Variants in TRAF6 observed in about 807,000 individuals in gnomAD.
TRAF6 encodes the protein TNF receptor-associated factor 6.
TRAF6 carries 10 observed loss-of-function variants against 48.4 expected under a neutral mutation model. The ratio of observed to expected loss-of-function variants is 0.21; its 90% CI spans 0.13 to 0.35. The LOEUF is 0.35. TRAF6 is among the 10% of genes least tolerant of loss of function. The pLI is 1.00. For synonymous variants in TRAF6, 186 were observed against 219.6 expected, an observed-to-expected ratio of 0.85 and a Z score of 1.35; for missense variants, 397 against 661.0, an observed-to-expected ratio of 0.60 and a Z score of 4.38.
At position 36,487,921 on chromosome 11, in the gene TRAF6, T is replaced by A. The variant is rs1474598988; in HGVS notation, c.*1917A>T. On this transcript the variant is annotated 3_prime_UTR_variant, in exon 7 of 7. Coordinates refer to ENST00000526995, the MANE Select transcript of TRAF6 (RefSeq NM_004620.4). ...ATTTAATTTTTTTCTCCGATAAAAG[T>A]ACACATTTATTGTAGAAAATGTAAA... 1 of 152,208 alleles carries A rather than the reference T, an allele frequency of 6.6e-6. No homozygotes were observed. The highest frequency in any genetic ancestry group is 2.4e-5 in the African/African-American group (1 of 41,458). 9.4% of individuals were successfully genotyped at this position (152,208 alleles called of 1,614,324 possible).
intron 3 of TRAF6, among the ~76,000 whole-genome samples, 180 bp from the exon 4 acceptor site, chr11:36,497,446 T>C (rs1263703215): frequency 6.6e-6 from 1 of 152,214 alleles, no homozygotes; most frequent in African/African-American, 2.4e-5. Context: ...GGTCATGGGT[T>C]GCAAATTTAT....
At chr11:36,496,409 C>A in intron 4 of TRAF6, 1 of 152,176 alleles carries the variant, frequency 6.6e-6, no homozygotes, top group Non-Finnish European at 1.5e-5. Context: ...GAAACCTCGT[C>A]TCTACTAAAA....
chr11:36,493,451 C>A (rs1050224293), intron 5 of TRAF6, among the ~76,000 whole-genome samples: 1 of 152,178 alleles, frequency 6.6e-6, no homozygotes, highest in African/African-American at 2.4e-5. Flanking sequence ...TGCCTCTGTC[C>A]TAAGTATTAA....
At position 36,497,260 on chromosome 11, in the gene TRAF6, G is replaced by T. The variant is rs763790387; in HGVS notation, c.454C>A (p.Gln152Lys). The change falls in exon 4 of 7, where the codon CAA becomes AAA. Residue 152 changes from glutamine to lysine, a missense_variant. Coordinates refer to ENST00000526995, the MANE Select transcript of TRAF6 (RefSeq NM_004620.4). Reference protein sequence around the residue: ...KMELRHLEDHQAHCEFALMDC... With the variant: ...KMELRHLEDHKAHCEFALMDC... ...ATAAGAGCAAACTCACAATGTGCTTGATGATCCTATAATTAAAAAAATAAT... is the reference window on the plus strand; with the variant it reads ...ATAAGAGCAAACTCACAATGTGCTTTATGATCCTATAATTAAAAAAATAAT... The T allele has an allele frequency of 6.4e-7, 1 of 1,564,886 alleles. No individual in the cohort carries two copies. The highest frequency in any genetic ancestry group is 2.0e-5 in the Admixed American group (1 of 51,108).
intron 1 of TRAF6, among the ~76,000 whole-genome samples, chr11:36,502,919 C>T (rs528762171): frequency 6.6e-6 from 1 of 152,120 alleles, no homozygotes; most frequent in South Asian, 2.1e-4. Flanking sequence ...TAGAACAGTG[C>T]CAGGCAGTAA....
In TRAF6 at chr11:36,486,858, G is replaced by A. The variant is rs1266089245; in HGVS notation, c.*2980C>T. ...AATCCCAGCACTTTGGGAGGCTGAG[G>A]CGGGCGGATCATCTGAGGTCAGGAG... is the stretch of plus-strand genomic sequence containing the variant. On this transcript the variant is annotated 3_prime_UTR_variant, in exon 7 of 7. Transcript: ENST00000526995. Among the ~76,000 whole-genome samples the A allele has an allele frequency of 6.6e-6, 1 of 152,130 alleles. No individual in the cohort carries two copies. Among genetic ancestry groups the A allele is most frequent in the Admixed American group, 6.5e-5 (1 of 15,278 alleles).
intron 1 of TRAF6, among the ~76,000 whole-genome samples, chr11:36,509,822 G>A (rs1011373831): frequency 1.3e-5 from 2 of 151,784 alleles, no homozygotes; most frequent in African/African-American, 4.8e-5. Flanking sequence ...CGGGAAGCGA[G>A]AGGACAGGGG....
intron 4 of TRAF6, 62 bp downstream of exon 4, chr11:36,497,046 T>C: frequency 6.4e-7 from 1 of 1,556,166 alleles, no homozygotes; most frequent in East Asian, 2.3e-5. Context: ...CCCCCTCAAG[T>C]ACACATTTAA....
In TRAF6 at chr11:36,487,735, CTT is replaced by C. The variant is rs1034345814; in HGVS notation, c.*2101_*2102del. ...ACAACTTTTTTTTTTAATAAAGACT[CTT>C]GAGTTAGTAGAAAAAAATAGTATCA... On this transcript the variant is annotated 3_prime_UTR_variant, in exon 7 of 7. Coordinates refer to ENST00000526995, the MANE Select transcript of TRAF6 (RefSeq NM_004620.4). The C allele has an allele frequency of 5.9e-5, 9 of 151,856 alleles. No homozygotes were observed. The highest frequency in any genetic ancestry group is 1.9e-4 in the African/African-American group (8 of 41,304). 9.4% of individuals were successfully genotyped at this position (151,856 alleles called of 1,614,324 possible).
intron 5 of TRAF6, among the ~76,000 whole-genome samples, chr11:36,493,990 ATAT>A (rs1177915308): frequency 6.6e-6 from 1 of 152,190 alleles, no homozygotes; most frequent in African/African-American, 2.4e-5. Context: ...TTAATGGTTA[ATAT>A]TCATATTTTG....
At chr11:36,495,069 T>C (rs1430880947) in intron 4 of TRAF6, 22 bp from the exon 5 acceptor site, 1 of 1,539,856 alleles carries the variant, frequency 6.5e-7, no homozygotes. Flanking sequence ...TAGAGAAATA[T>C]AATTAAAGCA....
intron 1 of TRAF6, among the ~76,000 whole-genome samples, chr11:36,507,860 A>C (rs1859827905): frequency 6.8e-6 from 1 of 147,106 alleles, no homozygotes; most frequent in Non-Finnish European, 1.5e-5. Flanking sequence ...ATATATATAC[A>C]CACACTTTTT....
intron 1 of TRAF6, among the ~76,000 whole-genome samples, chr11:36,508,111 G>A (rs573809879): frequency 6.6e-6 from 1 of 151,992 alleles, no homozygotes; most frequent in African/African-American, 2.4e-5. Flanking sequence ...CCGAAGTGCT[G>A]GGATTACAGG....
In TRAF6 at chr11:36,501,583, A is replaced by T. The variant is rs112995375; in HGVS notation, c.-22-46T>A. 3.9e-4 allele frequency: 527 copies of T among 1,364,154 alleles called. 1 individual carries two copies. The African/African-American group carries it at 7.0e-3, about 18-fold the overall frequency. The allele number at this position is 1,364,154 out of a possible 1,614,324, so 84.5% of individuals were successfully genotyped here. ...AAATGCCTTTATAAGTAACACACAC[A>T]CTCACACCCCACACATATATATCAT... On this transcript the variant is annotated intron_variant, in intron 1 of 6. Coordinates refer to ENST00000526995, the MANE Select transcript of TRAF6 (RefSeq NM_004620.4).
intron 6 of TRAF6, among the ~76,000 whole-genome samples, chr11:36,492,173 G>T (rs980925395): frequency 2.6e-5 from 4 of 152,138 alleles, no homozygotes; most frequent in Non-Finnish European, 5.9e-5. Context: ...CAACAGCTCA[G>T]GTACTAGTAC....
rs932022964 is a variant in TRAF6, at chr11:36,486,406, C to A, written c.*3432G>T. Reference sequence around the variant, plus strand: ...GCCAAGAGAACAGTGTTAGTACATACAAGCAATTGTTCCTCTGTAAAAATA... The same window carrying A: ...GCCAAGAGAACAGTGTTAGTACATAAAAGCAATTGTTCCTCTGTAAAAATA... On this transcript the variant is annotated 3_prime_UTR_variant, in exon 7 of 7. Transcript: ENST00000526995. 3.3e-5 allele frequency among the ~76,000 whole-genome samples: 5 copies of A among 152,110 alleles called. No homozygotes were observed. The highest frequency in any genetic ancestry group is 6.5e-5 in the Admixed American group (1 of 15,280).
chr11:36,505,026 T>C (rs546043990), intron 1 of TRAF6, among the ~76,000 whole-genome samples: 31 of 152,328 alleles, frequency 2.0e-4, no homozygotes, highest in African/African-American at 6.0e-4. Context: ...CCAGGCTTTG[T>C]TGTTACCTTT....
chr11:36,491,498 T>A (rs1009529119), intron 6 of TRAF6, among the ~76,000 whole-genome samples: 8 of 152,208 alleles, frequency 5.3e-5, no homozygotes, highest in Non-Finnish European at 2.9e-5. Context: ...ATTAAATGTA[T>A]GTTTGTTACA....
chr11:36,503,607 A>G (rs941812968), intron 1 of TRAF6, among the ~76,000 whole-genome samples: 2 of 152,156 alleles, frequency 1.3e-5, no homozygotes, highest in Non-Finnish European at 2.9e-5. Context: ...TTGATACAGT[A>G]TTCCCGAAGT....
Sources: allele counts gnomAD v4.1 joint callset (sites outside exome capture counted in the v4.1 genomes callset), GRCh38; gene constraint gnomAD v4.1.1; transcripts MANE v1.5; gene names NCBI Gene and HGNC (gene_info 2026-07-23, HGNC 2026-07-21).